Variants in SFT2D2 observed in about 807,000 individuals in gnomAD.
SFT2D2 encodes the protein SFT2 domain containing 2.
A neutral mutation model predicts 27.4 loss-of-function variants in SFT2D2; 21 were observed. The ratio of observed to expected loss-of-function variants is 0.77; its 90% CI spans 0.54 to 1.10. The LOEUF is 1.10. Ranked by LOEUF, SFT2D2 falls within the 50% of genes least tolerant of loss-of-function variation. The probability of loss-of-function intolerance (pLI) is 0.00; values close to 1 mark genes in which losing one functional copy is unlikely to be tolerated. For synonymous variants in SFT2D2, 72 were observed against 71.7 expected, an observed-to-expected ratio of 1.00 and a Z score of -0.02; for missense variants, 187 against 194.2, an observed-to-expected ratio of 0.96 and a Z score of 0.22.
At chr1:168,227,481 T>A (rs765275655) in intron 1 of SFT2D2, among the ~76,000 whole-genome samples, 28 of 152,242 alleles carry the variant, frequency 1.8e-4, no homozygotes, top group South Asian at 8.3e-4. Context: ...GATTGCTCTC[T>A]GAATCTTCAC....
rs751042776 is a variant in SFT2D2, at chr1:168,246,714, G to A, written c.*4174G>A. ...GTCTACGATGGTATGATTCCATTTC[G>A]TCAGTCTTTGCCTGCTTTGTTTTTC... On this transcript the variant is annotated 3_prime_UTR_variant, in exon 8 of 8. Coordinates refer to ENST00000271375, the MANE Select transcript of SFT2D2 (RefSeq NM_199344.3). The A allele has an allele frequency of 1.0e-5, 10 of 985,028 alleles. No homozygotes were observed. The highest frequency in any genetic ancestry group is 8.8e-5 in the South Asian group (7 of 79,276). 61.0% of individuals were successfully genotyped at this position (985,028 alleles called of 1,614,324 possible).
At chr1:168,228,813 A>G (rs1238997631) in intron 1 of SFT2D2, among the ~76,000 whole-genome samples, 2 of 152,234 alleles carry the variant, frequency 1.3e-5, no homozygotes, top group African/African-American at 2.4e-5. Flanking sequence ...CATTGCCTAC[A>G]AATTCCATCC....
intron 4 of SFT2D2, 117 bp downstream of exon 4, chr1:168,235,299 T>C: frequency 2.1e-6 from 2 of 966,958 alleles, no homozygotes; most frequent in South Asian, 2.7e-5. Context: ...CTTGACTTAT[T>C]ACCCTATTCC....
rs1647975743 is a variant in SFT2D2, at chr1:168,252,689, G to A, written c.*10149G>A. The A allele has an allele frequency of 6.6e-6, 1 of 152,176 alleles. No individual in the cohort carries two copies. Among genetic ancestry groups the A allele is most frequent in the Non-Finnish European group, 1.5e-5 (1 of 68,048 alleles). The allele number at this position is 152,176 out of a possible 1,614,324, so 9.4% of individuals were successfully genotyped here. ...GTGAGGACATTCAAAAGCCCATGGT[G>A]AATGCATATGCCTTTAGAATATTGT... On this transcript the variant is annotated 3_prime_UTR_variant, in exon 8 of 8. Transcript: ENST00000271375.
At position 168,226,042 on chromosome 1, in the gene SFT2D2, G is replaced by A. The variant is rs1392958419; in HGVS notation, c.-38G>A. On this transcript the variant is annotated 5_prime_UTR_variant, in exon 1 of 8. Coordinates refer to ENST00000271375, the MANE Select transcript of SFT2D2 (RefSeq NM_199344.3). ...GTCAACTTAGCGAGCGCAACAGGCT[G>A]CCGCTGAGGAGCTGGAGCTGGTGGG... is the stretch of plus-strand genomic sequence containing the variant. 2 of 1,488,356 alleles carry A rather than the reference G, an allele frequency of 1.3e-6. No homozygotes were observed. Among genetic ancestry groups the A allele is most frequent in the African/African-American group, 2.9e-5 (2 of 68,874 alleles). The allele number at this position is 1,488,356 out of a possible 1,614,324, so 92.2% of individuals were successfully genotyped here. A position where few individuals can be genotyped will look rare whatever the true frequency, so the allele number is the denominator to read the frequency against.
chr1:168,231,999 AG>A (rs1165368042), intron 3 of SFT2D2, 80 bp downstream of exon 3: 1 of 1,144,162 alleles, frequency 8.7e-7, no homozygotes, highest in East Asian at 2.4e-5. Flanking sequence ...GGGAGGTGAA[AG>A]AGGAGGCTCC....
intron 1 of SFT2D2, among the ~76,000 whole-genome samples, chr1:168,227,698 C>CT (rs1296567841): frequency 6.6e-6 from 1 of 152,116 alleles, no homozygotes; most frequent in Non-Finnish European, 1.5e-5. Context: ...TAAGAAAGGT[C>CT]TGACTCATAG....
chr1:168,226,064 T>G lies in SFT2D2; in HGVS notation c.-16T>G. On this transcript the variant is annotated 5_prime_UTR_variant, in exon 1 of 8. Coordinates refer to ENST00000271375, the MANE Select transcript of SFT2D2 (RefSeq NM_199344.3). ...GCTGCCGCTGAGGAGCTGGAGCTGGTGGGGACTGGGCCGCAATGGACAAGC... is the reference window on the plus strand; with the variant it reads ...GCTGCCGCTGAGGAGCTGGAGCTGGGGGGGACTGGGCCGCAATGGACAAGC... The G allele has an allele frequency of 1.3e-6, 2 of 1,518,752 alleles. No homozygotes were observed. Among genetic ancestry groups the G allele is most frequent in the South Asian group, 2.5e-5 (2 of 80,186 alleles). 94.1% of individuals were successfully genotyped at this position (1,518,752 alleles called of 1,614,324 possible). A position where few individuals can be genotyped will look rare whatever the true frequency, so the allele number is the denominator to read the frequency against.
rs764912348 is a variant in SFT2D2, at chr1:168,242,526, G to A, written c.469G>A (p.Val157Met). Residue 157 changes from valine to methionine, a missense_variant, in exon 8 of 8, where the codon GTG becomes ATG. Val to Met is a conservative substitution (Grantham distance 21, BLOSUM62 1). Coordinates refer to ENST00000271375, the MANE Select transcript of SFT2D2 (RefSeq NM_199344.3). ...ARDAVKKCFA[V>M]CLA ...GGATGCTGTGAAGAAGTGTTTTGCC[G>A]TGTGTCTTGCATAATTCATGGCCAG... 33 of 1,614,024 alleles carry A rather than the reference G, an allele frequency of 2.0e-5. No individual in the cohort carries two copies. The highest frequency in any genetic ancestry group is 2.2e-5 in the East Asian group (1 of 44,890).
rs1044020862 is a variant in SFT2D2 at position 168,226,875 on chromosome 1, A to T, written c.63+733A>T. 2.0e-5 allele frequency among the ~76,000 whole-genome samples: 3 copies of T among 152,034 alleles called. No homozygotes were observed. In the South Asian group the frequency reaches 6.2e-4, roughly 31 times the overall value. On this transcript the variant is annotated intron_variant, in intron 1 of 7. Coordinates refer to ENST00000271375, the MANE Select transcript of SFT2D2 (RefSeq NM_199344.3). ...CACTCTGTCGCCCAGGCTGGAGTGC[A>T]GTGGCGCGATCTTGGCTCACTGCAG... is the stretch of plus-strand genomic sequence containing the variant.
chr1:168,226,098 G>T lies in SFT2D2; in HGVS notation c.19G>T (p.Val7Leu). ...GGCCGCAATGGACAAGCTGAAGAAGGTGCTGAGCGGGCAGGACACGGAGGA... is the reference window on the plus strand; with the variant it reads ...GGCCGCAATGGACAAGCTGAAGAAGTTGCTGAGCGGGCAGGACACGGAGGA... MDKLKK[V>L]LSGQDTEDRS... The change falls in exon 1 of 8, where the codon GTG becomes TTG. Residue 7 changes from valine (V) to leucine (L), a missense_variant. Val to Leu is a conservative substitution (Grantham distance 32). Coordinates refer to ENST00000271375, the MANE Select transcript of SFT2D2 (RefSeq NM_199344.3). 1 of 1,535,376 alleles carries T rather than the reference G, an allele frequency of 6.5e-7. No individual in the cohort carries two copies.
chr1:168,242,705 A>G lies in SFT2D2; in HGVS notation c.*165A>G, dbSNP rs1479658024. The stretch of plus-strand genomic sequence containing the variant: ...TTGAGGGTTACTTTTGGAAGCAACA[A>G]TACATTCTCGAACCTGAATGTCAGT... On this transcript the variant is annotated 3_prime_UTR_variant, in exon 8 of 8. Coordinates refer to ENST00000271375, the MANE Select transcript of SFT2D2 (RefSeq NM_199344.3). 3.1e-5 allele frequency: 25 copies of G among 796,044 alleles called. No homozygotes were observed. In the East Asian group the frequency reaches 4.4e-4, roughly 14 times the overall value. 49.3% of individuals were successfully genotyped at this position (796,044 alleles called of 1,614,324 possible). A position where few individuals can be genotyped will look rare whatever the true frequency, so the allele number is the denominator to read the frequency against.
intron 6 of SFT2D2, among the ~76,000 whole-genome samples, chr1:168,237,163 G>C (rs1230656790): frequency 1.3e-5 from 2 of 152,200 alleles, no homozygotes; most frequent in African/African-American, 4.8e-5. Context: ...AAGGAAAGTG[G>C]TAAGAAAAAT....
In SFT2D2 at chr1:168,242,715, G is replaced by A. The variant is rs1007882428; in HGVS notation, c.*175G>A. 9.9e-6 allele frequency: 7 copies of A among 708,550 alleles called. No individual in the cohort carries two copies. Among genetic ancestry groups the A allele is most frequent in the East Asian group, 2.7e-5 (1 of 36,782 alleles). 43.9% of individuals were successfully genotyped at this position (708,550 alleles called of 1,614,324 possible). On this transcript the variant is annotated 3_prime_UTR_variant, in exon 8 of 8. Coordinates refer to ENST00000271375, the MANE Select transcript of SFT2D2 (RefSeq NM_199344.3). ...CTTTTGGAAGCAACAATACATTCTC[G>A]AACCTGAATGTCAGTAGCACAGGAT... is the stretch of plus-strand genomic sequence containing the variant.
At chr1:168,241,492 C>T (rs1429000727) in intron 7 of SFT2D2, among the ~76,000 whole-genome samples, 1 of 152,014 alleles carries the variant, frequency 6.6e-6, no homozygotes, top group Non-Finnish European at 1.5e-5. Flanking sequence ...CATGCCTGGC[C>T]CCACCCTTCT....
At chr1:168,236,242 G>A (rs1473098915) in intron 4 of SFT2D2, among the ~76,000 whole-genome samples, 2 of 152,224 alleles carry the variant, frequency 1.3e-5, no homozygotes, top group Admixed American at 6.5e-5. Context: ...CTAGCATTTG[G>A]TAGGAGTTAA....
chr1:168,244,174 G>GTT lies in SFT2D2; in HGVS notation c.*1648_*1649dup, dbSNP rs1478783133. ...CTACTGTGGCTAAGAACTCTGACTGGTTTTTTTTTTTTTTTCTTTTTGAGA... is the reference window on the plus strand; with the variant it reads ...CTACTGTGGCTAAGAACTCTGACTGGTTTTTTTTTTTTTTTTTCTTTTTGAGA... On this transcript the variant is annotated 3_prime_UTR_variant, in exon 8 of 8. Coordinates refer to ENST00000271375, the MANE Select transcript of SFT2D2 (RefSeq NM_199344.3). The GTT allele has an allele frequency of 2.7e-4, 38 of 141,728 alleles. No homozygotes were observed. The highest frequency in any genetic ancestry group is 4.4e-4 in the Non-Finnish European group (28 of 64,332). The allele number at this position is 141,728 out of a possible 1,614,324, so 8.8% of individuals were successfully genotyped here.
In SFT2D2 at chr1:168,226,022, C is replaced by A. The variant is rs943120182; in HGVS notation, c.-58C>A. 2.8e-6 allele frequency: 4 copies of A among 1,448,904 alleles called. No homozygotes were observed. The African/African-American group carries it at 5.9e-5, about 21-fold the overall frequency. 89.8% of individuals were successfully genotyped at this position (1,448,904 alleles called of 1,614,324 possible). A position where few individuals can be genotyped will look rare whatever the true frequency, so the allele number is the denominator to read the frequency against. ...GCCTAGCACCCGGAAGAGCCGTCAA[C>A]TTAGCGAGCGCAACAGGCTGCCGCT... On this transcript the variant is annotated 5_prime_UTR_variant, in exon 1 of 8. Coordinates refer to ENST00000271375, the MANE Select transcript of SFT2D2 (RefSeq NM_199344.3).
At chr1:168,232,339 G>A (rs1297878108) in intron 3 of SFT2D2, among the ~76,000 whole-genome samples, 1 of 152,200 alleles carries the variant, frequency 6.6e-6, no homozygotes, top group Non-Finnish European at 1.5e-5. Flanking sequence ...CAGCTCATGT[G>A]GGCAGGGCAT....
Sources: allele counts gnomAD v4.1 joint callset (sites outside exome capture counted in the v4.1 genomes callset), GRCh38; gene constraint gnomAD v4.1.1; transcripts MANE v1.5; gene names NCBI Gene and HGNC (gene_info 2026-07-23, HGNC 2026-07-21).